The following ATF7 variants were observed in gnomAD, a reference collection of about 807,000 sequenced individuals.
The protein encoded by ATF7 is cyclic AMP-dependent transcription factor ATF-7.
ATF7 carries 10 observed loss-of-function variants against 50.4 expected under a neutral mutation model. The ratio of observed to expected loss-of-function variants is 0.20; its 90% confidence interval spans 0.12 to 0.34. The LOEUF (loss-of-function observed/expected upper bound fraction) is 0.34, where lower values mean the gene tolerates loss of function less well. ATF7 is among the 10% of genes least tolerant of loss of function. The pLI, the probability that ATF7 is intolerant of heterozygous loss-of-function variation, is 1.00. For missense variants in ATF7, 465 were observed against 613.9 expected, an observed-to-expected ratio of 0.76 and a Z score of 2.56; for synonymous variants, 201 against 226.4, an observed-to-expected ratio of 0.89 and a Z score of 1.01.
At chr12:53,525,916 A>C (rs784562) in intron 9 of ATF7, among the ~76,000 whole-genome samples, 56,811 of 152,122 alleles carry the variant, frequency 0.37, 13,322 homozygotes, top group Non-Finnish European at 0.52. Flanking sequence ...TAAAAAAATA[A>C]GTTATACCGA....
At chr12:53,565,367 T>C (rs1196903939) in intron 2 of ATF7, among the ~76,000 whole-genome samples, 1 of 151,890 alleles carries the variant, frequency 6.6e-6, no homozygotes, top group African/African-American at 2.4e-5. Flanking sequence ...ATCATAGGTA[T>C]AGATATACTT....
intron 2 of ATF7, among the ~76,000 whole-genome samples, chr12:53,567,261 T>C (rs1226750285): frequency 6.6e-6 from 1 of 152,228 alleles, no homozygotes; most frequent in Non-Finnish European, 1.5e-5. Flanking sequence ...TTTCACATAA[T>C]ATACCAAATA....
intron 3 of ATF7, among the ~76,000 whole-genome samples, chr12:53,546,821 G>A (rs1202313367): frequency 1.3e-5 from 2 of 151,164 alleles, no homozygotes; most frequent in Admixed American, 6.6e-5. Flanking sequence ...GCAGTGACAC[G>A]ATCTCGGCTC....
rs1400061274 is a variant in ATF7, at chr12:53,514,453, G to T, written c.*2684C>A. 1 of 152,188 alleles carries T rather than the reference G, an allele frequency of 6.6e-6. No individual in the cohort carries two copies. Among genetic ancestry groups the T allele is most frequent in the African/African-American group, 2.4e-5 (1 of 41,428 alleles). 9.4% of individuals were successfully genotyped at this position (152,188 alleles called of 1,614,324 possible). A position where few individuals can be genotyped will look rare whatever the true frequency, so the allele number is the denominator to read the frequency against. On this transcript the variant is annotated 3_prime_UTR_variant, in exon 12 of 12. Coordinates refer to ENST00000420353, the MANE Select transcript of ATF7 (RefSeq NM_006856.3). ...TCTGGAAGACAAAGATTTGGGGAGA[G>T]TGACCACATGGCTGGTAGCAATAAC...
chr12:53,607,172 C>T (rs527889139), intron 1 of ATF7, among the ~76,000 whole-genome samples: 59 of 152,258 alleles, frequency 3.9e-4, no homozygotes, highest in African/African-American at 1.4e-3. Context: ...AGTTTACAGT[C>T]CCACCAACAG....
In ATF7 at chr12:53,523,422, C is replaced by T. The variant is rs190278704; in HGVS notation, c.1126-38G>A. On this transcript the variant is annotated intron_variant, in intron 10 of 11. Coordinates refer to ENST00000420353, the MANE Select transcript of ATF7 (RefSeq NM_006856.3). The stretch of plus-strand genomic sequence containing the variant: ...GGAAGAAAAGAGTATCAAGAAAATT[C>T]ATCCTCTACTCTTGCACCCTCAGTG... 1.5e-3 allele frequency: 2,141 copies of T among 1,449,594 alleles called. 5 individuals are homozygous for T. Among genetic ancestry groups the T allele is most frequent in the Non-Finnish European group, 1.7e-3 (1,715 of 1,031,990 alleles). The allele number at this position is 1,449,594 out of a possible 1,614,324, so 89.8% of individuals were successfully genotyped here.
intron 2 of ATF7, among the ~76,000 whole-genome samples, chr12:53,589,896 T>C (rs1041369852): frequency 4.6e-5 from 7 of 152,330 alleles, no homozygotes; most frequent in Admixed American, 6.5e-5. Flanking sequence ...GGGCTATTCT[T>C]AACACTTACA....
At position 53,524,711 on chromosome 12, in the gene ATF7, T is replaced by G; in HGVS notation, c.978A>C (p.Thr326=). The change falls in exon 10 of 12, where the codon ACA becomes ACC. Residue 326 remains threonine, a synonymous_variant. Transcript: ENST00000420353. The surrounding 1 kb of genome is among the most constrained non-coding windows in gnomAD (Gnocchi z 4.6). ...TPSTGGRRRR[T]VDEDPDERRQ... ...GTCGCTCATCTGGATCTTCATCTACTGTGCGCCGCCGTCGCCCCCCAGTAC... is the reference window on the plus strand; with the variant it reads ...GTCGCTCATCTGGATCTTCATCTACGGTGCGCCGCCGTCGCCCCCCAGTAC... 1 of 1,612,976 alleles carries G rather than the reference T, an allele frequency of 6.2e-7. No individual in the cohort carries two copies. The highest frequency in any genetic ancestry group is 8.5e-7 in the Non-Finnish European group (1 of 1,179,726).
chr12:53,625,586 TTCTCTC>T (rs1467980632), intron 1 of ATF7, among the ~76,000 whole-genome samples: 1 of 152,182 alleles, frequency 6.6e-6, no homozygotes, highest in African/African-American at 2.4e-5. Context: ...AATCCATACT[TTCTCTC>T]TGATATCATG....
At chr12:53,530,870 A>C (rs1938828358) in intron 9 of ATF7, among the ~76,000 whole-genome samples, 2 of 152,070 alleles carry the variant, frequency 1.3e-5, no homozygotes, top group African/African-American at 4.8e-5. Context: ...CGGCCTCCCA[A>C]AGTGCTGGGA....
At chr12:53,510,042 CTTT>C (rs552667000), downstream of ATF7, among the ~76,000 whole-genome samples, 1 of 142,638 alleles carries the variant, frequency 7.0e-6, no homozygotes, top group Non-Finnish European at 1.5e-5. Context: ...GTAGTTTTAT[CTTT>C]TTTTTTTTTT....
intron 1 of ATF7, among the ~76,000 whole-genome samples, chr12:53,622,005 TAAG>T (rs775422974): frequency 3.3e-5 from 5 of 151,906 alleles, no homozygotes; most frequent in East Asian, 3.9e-4. Context: ...AAATGTCACT[TAAG>T]AAATCGTACG....
At position 53,534,631 on chromosome 12, in the gene ATF7, G is replaced by T; in HGVS notation, c.431C>A (p.Ser144Tyr). ...KEVTPKPVLI[S>Y]TPTPTIVRPG... ...ACGTACAATGGTGGGTGTGGGGGTA[G>T]AGATCAGAACAGGCTTTGGGGTAAC... is the stretch of plus-strand genomic sequence containing the variant. Residue 144 changes from serine (S) to tyrosine (Y), a missense_variant, in exon 6 of 12, where the codon TCT becomes TAT. By Grantham distance (144) the Ser-to-Tyr change is moderately radical. Coordinates refer to ENST00000420353, the MANE Select transcript of ATF7 (RefSeq NM_006856.3). 6.2e-7 allele frequency: 1 copy of T among 1,613,028 alleles called. No homozygotes were observed. Among genetic ancestry groups the T allele is most frequent in the Non-Finnish European group, 8.5e-7 (1 of 1,179,618 alleles).
intron 5 of ATF7, among the ~76,000 whole-genome samples, chr12:53,535,328 CAA>C (rs397938442): frequency 4.6e-4 from 30 of 64,898 alleles, no homozygotes; most frequent in East Asian, 4.8e-4. Flanking sequence ...GACTCTGCCT[CAA>C]AAAAAAAAAA....
intron 2 of ATF7, among the ~76,000 whole-genome samples, chr12:53,584,730 T>C (rs1942594926): frequency 6.6e-6 from 1 of 152,074 alleles, no homozygotes; most frequent in African/African-American, 2.4e-5. Flanking sequence ...TATCAAGCCA[T>C]GAAAAGATAA....
intron 2 of ATF7, chr12:53,574,964 AAAAAT>A: frequency 4.3e-6 from 1 of 230,494 alleles, no homozygotes; most frequent in Non-Finnish European, 8.6e-6. Flanking sequence ...AAAAAAAAAA[AAAAAT>A]TAAAGAAAAG....
At chr12:53,517,638 T>C (rs139424144) in intron 11 of ATF7, 4 of 452,874 alleles carry the variant, frequency 8.8e-6, no homozygotes, top group South Asian at 7.0e-5. Flanking sequence ...GGTCTTTGCA[T>C]AGTTCATTAC....
chr12:53,616,062 A>G (rs987475635), intron 1 of ATF7, among the ~76,000 whole-genome samples: 1 of 152,194 alleles, frequency 6.6e-6, no homozygotes, highest in Non-Finnish European at 1.5e-5. Context: ...AGCAAAAAGA[A>G]GCAATCTATC....
intron 1 of ATF7, among the ~76,000 whole-genome samples, chr12:53,609,530 C>T (rs1025412943): frequency 1.3e-5 from 2 of 150,482 alleles, no homozygotes; most frequent in Non-Finnish European, 3.0e-5. Context: ...TCCAGCTACT[C>T]GGGAGCTCGG....
Sources: gnomAD v4.1 joint callset for allele counts (sites outside exome capture counted in the v4.1 genomes callset) on GRCh38, gnomAD v4.1.1 for gene constraint, Gnocchi (gnomAD v3.1) non-coding constraint, MANE v1.5 for transcripts, NCBI Gene and HGNC (gene_info 2026-07-23, HGNC 2026-07-21) for gene names.